The following COG6 variants were observed in gnomAD, a reference collection of about 807,000 sequenced individuals.
COG6 encodes conserved oligomeric Golgi complex subunit 6.
In COG6, 74 loss-of-function variants were observed where a neutral mutation model predicts 88.8. The ratio of observed to expected loss-of-function variants is 0.83; its 90% CI spans 0.69 to 1.01. COG6 has a LOEUF of 1.01. Among genes scored for constraint, COG6 ranks in the 50% least tolerant of loss-of-function variants. The pLI, the probability that COG6 is intolerant of heterozygous loss-of-function variation, is 0.00. For missense variants in COG6, 800 were observed against 797.9 expected (o/e 1.00, Z -0.03); for synonymous variants, 286 against 278.7 (o/e 1.03, Z -0.26).
intron 8 of COG6, among the ~76,000 whole-genome samples, chr13:39,685,041 T>G (rs1046721706): frequency 6.6e-6 from 1 of 152,196 alleles, no homozygotes; most frequent in African/African-American, 2.4e-5. Context: ...TTCTTCCTTC[T>G]TTATGTATTT....
rs1566039446 is a variant in COG6 at position 39,751,296 on chromosome 13, A to G, written c.*203A>G. 30 of 1,504,158 alleles carry G rather than the reference A, an allele frequency of 2.0e-5. No homozygotes were observed. The highest frequency in any genetic ancestry group is 2.7e-5 in the Non-Finnish European group (30 of 1,129,268). 93.2% of individuals were successfully genotyped at this position (1,504,158 alleles called of 1,614,324 possible). On this transcript the variant is annotated 3_prime_UTR_variant, in exon 19 of 19. Coordinates refer to ENST00000455146, the MANE Select transcript of COG6 (RefSeq NM_020751.3). ...TTGACCTGAGCTAGTATTGCTGTGTATCTACTCTAAATGAGATGATCTATT... is the reference window on the plus strand; with the variant it reads ...TTGACCTGAGCTAGTATTGCTGTGTGTCTACTCTAAATGAGATGATCTATT...
chr13:39,755,926 A>C (rs1223191522), downstream of COG6, among the ~76,000 whole-genome samples: 1 of 152,252 alleles, frequency 6.6e-6, no homozygotes, highest in Non-Finnish European at 1.5e-5. Flanking sequence ...CATGAAAGTC[A>C]CTAAAATATA....
At chr13:39,701,752 A>G (rs1877592717) in intron 13 of COG6, among the ~76,000 whole-genome samples, 1 of 151,992 alleles carries the variant, frequency 6.6e-6, no homozygotes, top group Non-Finnish European at 1.5e-5. Context: ...TGTAGTACGT[A>G]GAAAAGTTCA....
chr13:39,733,227 G>T lies in COG6; in HGVS notation c.1826+5679G>T, dbSNP rs149974654. On this transcript the variant is annotated intron_variant, in intron 18 of 18. Coordinates refer to ENST00000455146, the MANE Select transcript of COG6 (RefSeq NM_020751.3). ...TTTTTTGGAGACGGAGTCTTGCTGT[G>T]TCACCCAGGCTGGAGTGGAGCGGCG... 2.1e-3 allele frequency among the ~76,000 whole-genome samples: 293 copies of T among 142,406 alleles called. 9 individuals carry two copies. The East Asian group carries it at 0.058, about 28-fold the overall frequency. The allele number at this position is 142,406 out of a possible 152,430, so 93.4% of individuals were successfully genotyped here. A position where few individuals can be genotyped will look rare whatever the true frequency, so the allele number is the denominator to read the frequency against.
At chr13:39,730,558 G>A (rs142730300) in intron 18 of COG6, among the ~76,000 whole-genome samples, 2,297 of 151,758 alleles carry the variant, frequency 0.015, 68 homozygotes, top group African/African-American at 0.053. Flanking sequence ...GGCAGATCAT[G>A]AGGTCAGGAG....
At chr13:39,739,032 A>T (rs768943814) in intron 18 of COG6, among the ~76,000 whole-genome samples, 20 of 152,172 alleles carry the variant, frequency 1.3e-4, no homozygotes, top group Non-Finnish European at 1.5e-4. Context: ...TTTACCTAAT[A>T]GAAATATTTA....
intron 18 of COG6, among the ~76,000 whole-genome samples, chr13:39,742,597 C>G (rs1880107314): frequency 6.6e-6 from 1 of 152,112 alleles, no homozygotes; most frequent in Non-Finnish European, 1.5e-5. Context: ...CACCCAGATT[C>G]ATAAAGCAAG....
intron 18 of COG6, among the ~76,000 whole-genome samples, chr13:39,731,658 G>A (rs1593458912): frequency 1.3e-5 from 2 of 152,244 alleles, no homozygotes; most frequent in East Asian, 3.9e-4. Flanking sequence ...TTTTATTCAA[G>A]GTTTTTCCTC....
At chr13:39,667,530 T>C (rs181460429) in intron 4 of COG6, among the ~76,000 whole-genome samples, 62 of 152,306 alleles carry the variant, frequency 4.1e-4, no homozygotes, top group Non-Finnish European at 7.9e-4. Context: ...ATCCCCCACA[T>C]TGGTGGTTAA....
chr13:39,765,162 G>A (rs186707354), intron 18 of COG6, among the ~76,000 whole-genome samples: 6 of 152,178 alleles, frequency 3.9e-5, no homozygotes, highest in Admixed American at 3.9e-4. Flanking sequence ...TTAAAAAAGA[G>A]TCGCTAAGAG....
intron 17 of COG6, among the ~76,000 whole-genome samples, chr13:39,725,115 T>C (rs7334651): frequency 0.42 from 63,288 of 151,552 alleles, 13,585 homozygotes; most frequent in Admixed American, 0.57. Flanking sequence ...TCCTCATATG[T>C]ATAGTGTTCA....
At chr13:39,767,569 G>A (rs1204819373) in intron 18 of COG6, among the ~76,000 whole-genome samples, 3 of 152,176 alleles carry the variant, frequency 2.0e-5, no homozygotes, top group East Asian at 1.9e-4. Context: ...AAAGAAGGGC[G>A]TTCTCTCTGT....
At chr13:39,715,126 T>TG (rs894206950) in intron 13 of COG6, among the ~76,000 whole-genome samples, 3 of 152,010 alleles carry the variant, frequency 2.0e-5, no homozygotes, top group Admixed American at 6.6e-5. Context: ...GGATGATGGG[T>TG]GCACTAAAAT....
chr13:39,763,576 A>G (rs1286937589), intron 18 of COG6, among the ~76,000 whole-genome samples: 2 of 151,760 alleles, frequency 1.3e-5, no homozygotes, highest in Non-Finnish European at 3.0e-5. Context: ...TTCTGTATCT[A>G]TTTAGAGATC....
At chr13:39,753,923 A>G (rs185331068), downstream of COG6, among the ~76,000 whole-genome samples, 104 of 152,280 alleles carry the variant, frequency 6.8e-4, no homozygotes, top group African/African-American at 2.3e-3. Flanking sequence ...AAGTATCCCA[A>G]TATAGTTTCA....
chr13:39,741,465 A>G (rs1880038347), intron 18 of COG6, among the ~76,000 whole-genome samples: 3 of 152,214 alleles, frequency 2.0e-5, no homozygotes, highest in Non-Finnish European at 1.5e-5. Context: ...ACGCATGCAC[A>G]AGCTTCAATA....
chr13:39,690,077 T>G (rs909362892), intron 11 of COG6, among the ~76,000 whole-genome samples: 1 of 129,592 alleles, frequency 7.7e-6, no homozygotes, highest in African/African-American at 2.8e-5. Flanking sequence ...GTAGTAATTT[T>G]TCTTATTCAA....
At chr13:39,729,253 G>T (rs1009908096) in intron 18 of COG6, among the ~76,000 whole-genome samples, 2 of 152,094 alleles carry the variant, frequency 1.3e-5, no homozygotes, top group Non-Finnish European at 2.9e-5. Context: ...AAGGATCTAG[G>T]TTATGTGCTC....
At chr13:39,712,098 G>A (rs893796157) in intron 13 of COG6, among the ~76,000 whole-genome samples, 4 of 152,134 alleles carry the variant, frequency 2.6e-5, no homozygotes, top group African/African-American at 9.7e-5. Flanking sequence ...GACCTCAGGC[G>A]ATCTGCCCGC....
Sources: gnomAD v4.1 joint callset for allele counts (sites outside exome capture counted in the v4.1 genomes callset) on GRCh38, gnomAD v4.1.1 for gene constraint, MANE v1.5 for transcripts, NCBI Gene and HGNC (gene_info 2026-07-23, HGNC 2026-07-21) for gene names.